Variants in LLGL2 observed in about 807,000 individuals in gnomAD.
LLGL2 encodes LLGL scribble cell polarity complex component 2.
A neutral mutation model predicts 123.2 loss-of-function variants in LLGL2; 81 were observed. The ratio of observed to expected loss-of-function variants is 0.66; its 90% CI spans 0.55 to 0.79. The LOEUF (loss-of-function observed/expected upper bound fraction) is 0.79. LLGL2 is among the 30% of genes least tolerant of loss of function. LLGL2 has a pLI of 0.00. For synonymous variants in LLGL2, 577 were observed against 594.1 expected (o/e 0.97, Z 0.42); for missense variants, 1,273 against 1,414.6 (o/e 0.90, Z 1.61).
Position 75,534,075 on chromosome 17 carries a change from C to T in LLGL2, c.-31+8250C>T, listed in dbSNP as rs535971227. The stretch of plus-strand genomic sequence containing the variant: ...TTGGATGGGCTGGATGGCCTGCCCA[C>T]GCCAGCCCCAGGCAGGTGGTCCATC... On this transcript the variant is annotated intron_variant, in intron 1 of 25. Coordinates refer to ENST00000392550, the MANE Select transcript of LLGL2 (RefSeq NM_001031803.2). Among the ~76,000 whole-genome samples the T allele has an allele frequency of 1.2e-4, 19 of 152,352 alleles. No individual in the cohort carries two copies. In the South Asian group the frequency reaches 2.7e-3, roughly 22 times the overall value.
At chr17:75,538,205 A>C (rs1305698912) in intron 1 of LLGL2, among the ~76,000 whole-genome samples, 1 of 152,192 alleles carries the variant, frequency 6.6e-6, no homozygotes, top group East Asian at 1.9e-4. Flanking sequence ...GGGGCTGAGT[A>C]GATGGAGCAG....
At position 75,563,178 on chromosome 17, in the gene LLGL2, G is replaced by T; in HGVS notation, c.693G>T (p.Gln231His). Residue 231 changes from glutamine (Q) to histidine (H), a missense_variant and splice_region_variant, in exon 7 of 26, where the codon CAG (glutamine) becomes CAT (histidine). Transcript: ENST00000392550. ...SRVLYHFLSS[Q>H]QLENIWWQRD... The stretch of plus-strand genomic sequence containing the variant: ...TGCTCTACCACTTCCTCAGCAGCCA[G>T]GTAGGCAGTGCCCAGGACATGGCAG... 1.2e-6 allele frequency: 2 copies of T among 1,613,028 alleles called. No individual in the cohort carries two copies. The highest frequency in any genetic ancestry group is 8.5e-7 in the Non-Finnish European group (1 of 1,180,008).
chr17:75,531,533 T>A (rs1254163537), intron 1 of LLGL2, among the ~76,000 whole-genome samples: 1 of 152,230 alleles, frequency 6.6e-6, no homozygotes, highest in African/African-American at 2.4e-5. Context: ...GGCCCTCTTA[T>A]CTGTCTTAGG....
chr17:75,540,744 G>C (rs1025059547), intron 1 of LLGL2, among the ~76,000 whole-genome samples: 4 of 152,210 alleles, frequency 2.6e-5, no homozygotes, highest in Non-Finnish European at 5.9e-5. Flanking sequence ...TTGACAGGGT[G>C]TTTTGCTGCT....
Position 75,558,597 on chromosome 17 carries a change from A to G in LLGL2, c.341A>G (p.Asp114Gly). The G allele has an allele frequency of 6.2e-7, 1 of 1,610,248 alleles. No individual in the cohort carries two copies. The highest frequency in any genetic ancestry group is 8.5e-7 in the Non-Finnish European group (1 of 1,178,554). ...GGCGGGGCATCGGAGCTGCAGGAGG[A>G]TGAGAGCTTCACACTGCGTGGACCC... ...VKGGASELQE[D>G]ESFTLRGPPG... The change falls in exon 5 of 26, where the codon GAT becomes GGT. Residue 114 changes from aspartate (D) to glycine (G), a missense_variant. Coordinates refer to ENST00000392550, the MANE Select transcript of LLGL2 (RefSeq NM_001031803.2). This position sits in a 1 kb window ranked among gnomAD's most constrained non-coding sequence, Gnocchi z 4.0.
At chr17:75,532,610 G>C (rs555792229) in intron 1 of LLGL2, 6 of 151,930 alleles carry the variant, frequency 3.9e-5, no homozygotes, top group Admixed American at 3.3e-4. Flanking sequence ...TTTTAGTAGC[G>C]GGGGGGTTTC....
intron 6 of LLGL2, among the ~76,000 whole-genome samples, chr17:75,561,482 T>C (rs1426537178): frequency 2.6e-5 from 4 of 151,674 alleles, no homozygotes. Flanking sequence ...TAAAAATTAG[T>C]TGGGCAAGGC....
Position 75,570,166 on chromosome 17 carries a change from C to T in LLGL2, c.1785C>T (p.Ala595=), listed in dbSNP as rs200432063. 8.1e-6 allele frequency: 13 copies of T among 1,595,280 alleles called. No individual in the cohort carries two copies. The African/African-American group carries it at 1.1e-4, about 13-fold the overall frequency. Residue 595 remains alanine (A), a synonymous_variant, in exon 15 of 26, where the codon GCC becomes GCT. Coordinates refer to ENST00000392550, the MANE Select transcript of LLGL2 (RefSeq NM_001031803.2). ...CQPPAVVTSL[A]LHSEWRLVAF... ...CCCCGGCTGTGGTCACCTCCTTGGCCCTGCACTCTGAGTGGCGGCTCGTGG... is the reference window on the plus strand; with the variant it reads ...CCCCGGCTGTGGTCACCTCCTTGGCTCTGCACTCTGAGTGGCGGCTCGTGG...
intron 16 of LLGL2, 43 bp from the exon 17 acceptor site, chr17:75,570,907 G>A: frequency 1.3e-6 from 2 of 1,556,278 alleles, no homozygotes; most frequent in Non-Finnish European, 1.7e-6. Flanking sequence ...TTCCTGGGGA[G>A]GGGAGTCCAG....
At chr17:75,528,404 C>T (rs899949858) in intron 1 of LLGL2, among the ~76,000 whole-genome samples, 1 of 152,088 alleles carries the variant, frequency 6.6e-6, no homozygotes, top group Non-Finnish European at 1.5e-5. Flanking sequence ...CGTAAGCCAC[C>T]GCGCCCGGCC....
chr17:75,564,288 C>T lies in LLGL2; in HGVS notation c.882-65C>T, dbSNP rs971205868. ...TTGACTGAGTGGTGACTTTGATTGCCGGCCTGTGGCTGTTGAGGCTGTGCC... is the reference window on the plus strand; with the variant it reads ...TTGACTGAGTGGTGACTTTGATTGCTGGCCTGTGGCTGTTGAGGCTGTGCC... On this transcript the variant is annotated intron_variant, in intron 9 of 25. Coordinates refer to ENST00000392550, the MANE Select transcript of LLGL2 (RefSeq NM_001031803.2). This position sits in a 1 kb window ranked among gnomAD's most constrained non-coding sequence, Gnocchi z 4.9. 1.4e-5 allele frequency: 22 copies of T among 1,545,808 alleles called. No individual in the cohort carries two copies. The highest frequency in any genetic ancestry group is 9.0e-5 in the East Asian group (4 of 44,336).
Position 75,526,194 on chromosome 17 carries a change from C to T in LLGL2, c.-31+369C>T, listed in dbSNP as rs2053562222. 7.9e-5 allele frequency among the ~76,000 whole-genome samples: 12 copies of T among 152,144 alleles called. No individual in the cohort carries two copies. In the South Asian group the frequency reaches 2.5e-3, roughly 32 times the overall value. The stretch of plus-strand genomic sequence containing the variant: ...GCAGGCGCCAGGCCAGCGGGGTTGG[C>T]GACGCGCGTCTGCGGTGACCCCCTC... On this transcript the variant is annotated intron_variant, in intron 1 of 25. Transcript: ENST00000392550.
At chr17:75,553,651 T>C (rs2054775956) in intron 2 of LLGL2, among the ~76,000 whole-genome samples, 1 of 152,188 alleles carries the variant, frequency 6.6e-6, no homozygotes, top group African/African-American at 2.4e-5. Flanking sequence ...TCAGTTGACA[T>C]AGCATCGCTT....
intron 1 of LLGL2, among the ~76,000 whole-genome samples, chr17:75,529,397 G>T (rs1285437321): frequency 6.6e-6 from 1 of 151,128 alleles, no homozygotes; most frequent in Admixed American, 6.6e-5. Context: ...TAGAGACAGG[G>T]TTTCATCATG....
chr17:75,540,685 T>A (rs1261949748), intron 1 of LLGL2, among the ~76,000 whole-genome samples: 1 of 152,246 alleles, frequency 6.6e-6, no homozygotes, highest in Non-Finnish European at 1.5e-5. Context: ...CCCACAGCCC[T>A]TCTGACTTGG....
chr17:75,554,460 AAGT>A (rs2054814703), intron 2 of LLGL2, among the ~76,000 whole-genome samples: 1 of 151,946 alleles, frequency 6.6e-6, no homozygotes, highest in African/African-American at 2.4e-5. Context: ...AAAAATTAAA[AAGT>A]AGCCGGGTGT....
intron 10 of LLGL2, among the ~76,000 whole-genome samples, chr17:75,567,102 T>G (rs766901869): frequency 2.3e-4 from 35 of 152,160 alleles, no homozygotes; most frequent in Non-Finnish European, 4.3e-4. Context: ...GGTGGGGATC[T>G]GGCAAAGAAC....
At chr17:75,567,967 A>G in intron 10 of LLGL2, 1 of 682,386 alleles carries the variant, frequency 1.5e-6, no homozygotes, top group Non-Finnish European at 1.8e-6. Flanking sequence ...AAAAAAAAAG[A>G]CAAATGGTTT....
In LLGL2 at chr17:75,574,510, A is replaced by G. The variant is rs1167296342; in HGVS notation, c.2996+15A>G. 2.6e-6 allele frequency: 4 copies of G among 1,567,952 alleles called. No individual in the cohort carries two copies. The highest frequency in any genetic ancestry group is 1.7e-6 in the Non-Finnish European group (2 of 1,157,664). ...GGAGACCGCGGGTGAGGCACCGCCC[A>G]GGCCAGCTGGGGTGGGCCCGAGGCT... On this transcript the variant is annotated intron_variant, in intron 24 of 25. Transcript: ENST00000392550.
Sources: gnomAD v4.1 joint callset for allele counts (sites outside exome capture counted in the v4.1 genomes callset) on GRCh38, gnomAD v4.1.1 for gene constraint, Gnocchi (gnomAD v3.1) non-coding constraint, MANE v1.5 for transcripts, NCBI Gene and HGNC (gene_info 2026-07-23, HGNC 2026-07-21) for gene names.